Variants in UNC93B1 observed in about 807,000 individuals in gnomAD.
UNC93B1 encodes protein unc-93 homolog B1.
In UNC93B1, 33 loss-of-function variants were observed where a neutral mutation model predicts 56.8. The ratio of observed to expected loss-of-function variants is 0.58; its 90% confidence interval spans 0.44 to 0.78. The LOEUF (loss-of-function observed/expected upper bound fraction) is 0.78, where lower values mean the gene tolerates loss of function less well. Ranked by LOEUF, UNC93B1 falls within the 30% of genes least tolerant of loss-of-function variation. UNC93B1 has a pLI of 0.00. For synonymous variants in UNC93B1, 334 were observed against 358.6 expected (o/e 0.93, Z 0.77); for missense variants, 673 against 819.5 (o/e 0.82, Z 2.18).
intron 10 of UNC93B1, among the ~76,000 whole-genome samples, chr11:67,992,652 CTTTTTTTTTTTTCCT>C (rs1426766164): frequency 7.4e-6 from 1 of 134,382 alleles, no homozygotes; most frequent in Non-Finnish European, 1.6e-5. Context: ...CACTGCTTTT[CTTTTTTTTTTTTCCT>C]TTTTTTTTTT....
Position 68,003,867 on chromosome 11 carries a change from C to T in UNC93B1, c.97-69G>A, listed in dbSNP as rs964772155. The T allele has an allele frequency of 2.3e-6, 3 of 1,302,168 alleles. No individual in the cohort carries two copies. The highest frequency in any genetic ancestry group is 1.5e-5 in the African/African-American group (1 of 64,636). 80.7% of individuals were successfully genotyped at this position (1,302,168 alleles called of 1,614,324 possible). A position where few individuals can be genotyped will look rare whatever the true frequency, so the allele number is the denominator to read the frequency against. On this transcript the variant is annotated intron_variant, in intron 1 of 10. Transcript: ENST00000227471. This position sits in a 1 kb window ranked among gnomAD's most constrained non-coding sequence, Gnocchi z 4.4. Reference sequence around the variant, plus strand: ...ACCCGTGTCCCCCGGTGCCCGCCGCCCCCCGGCCCGCCCCGCCCCCGCCGG... The same window carrying T: ...ACCCGTGTCCCCCGGTGCCCGCCGCTCCCCGGCCCGCCCCGCCCCCGCCGG...
At chr11:68,002,483 T>A (rs866817772) in intron 3 of UNC93B1, among the ~76,000 whole-genome samples, 1 of 152,092 alleles carries the variant, frequency 6.6e-6, no homozygotes, top group African/African-American at 2.4e-5. Context: ...TGTCCACTGG[T>A]CTCCAGGTCC....
At chr11:67,998,751 G>T (rs554112178) in intron 5 of UNC93B1, among the ~76,000 whole-genome samples, 2 of 152,192 alleles carry the variant, frequency 1.3e-5, no homozygotes, top group East Asian at 3.9e-4. Flanking sequence ...TAAAAAATTA[G>T]CTGGGTGTGG....
chr11:67,992,127 A>G (rs1325577269), intron 10 of UNC93B1, among the ~76,000 whole-genome samples: 8 of 152,278 alleles, frequency 5.3e-5, no homozygotes, highest in Non-Finnish European at 1.0e-4. Flanking sequence ...TTTGCCTCAT[A>G]GGGTGCATGC....
intron 7 of UNC93B1, chr11:67,997,474 C>T: frequency 1.1e-6 from 1 of 887,350 alleles, no homozygotes; most frequent in Non-Finnish European, 1.7e-6. Context: ...CAGGCCTCAG[C>T]CCCGCCTCCG....
Position 67,991,474 on chromosome 11 carries a change from T to TC in UNC93B1, c.*71dup. ...AAGACAGCGCGGGACTCGGAGGGGG[T>TC]CCCCCCGACCTCAGACGTGGTAAAC... On this transcript the variant is annotated 3_prime_UTR_variant, in exon 11 of 11. Coordinates refer to ENST00000227471, the MANE Select transcript of UNC93B1 (RefSeq NM_030930.4). 3.8e-6 allele frequency: 5 copies of TC among 1,323,772 alleles called. No individual in the cohort carries two copies. The highest frequency in any genetic ancestry group is 2.8e-4 in the Middle Eastern group (1 of 3,584). 82.0% of individuals were successfully genotyped at this position (1,323,772 alleles called of 1,614,324 possible).
At chr11:67,999,361 G>T (rs1219246818) in intron 4 of UNC93B1, 56 bp from the exon 5 acceptor site, 5 of 1,570,410 alleles carry the variant, frequency 3.2e-6, no homozygotes, top group Non-Finnish European at 4.3e-6. Flanking sequence ...ACTCCTGTGT[G>T]TCCTGCACCC....
intron 3 of UNC93B1, among the ~76,000 whole-genome samples, chr11:68,000,726 G>A (rs1340310247): frequency 6.6e-6 from 1 of 152,194 alleles, no homozygotes; most frequent in Non-Finnish European, 1.5e-5. Flanking sequence ...AAAGCAGCCT[G>A]GTAGTTTTGG....
Position 67,997,705 on chromosome 11 carries a change from G to T in UNC93B1, c.876C>A (p.Leu292=). The change falls in exon 7 of 11, where the codon CTC becomes CTA. Residue 292 remains leucine, a synonymous_variant. Transcript: ENST00000227471. The part of the protein sequence containing the change: ...SGNLIVVESV[L]MAVAFLAMLL... Reference sequence around the variant, plus strand: ...GCATGGCCAGGAAGGCCACTGCCATGAGCACGCTCTCCACCACAATGAGGT... The same window carrying T: ...GCATGGCCAGGAAGGCCACTGCCATTAGCACGCTCTCCACCACAATGAGGT... 1 of 1,607,600 alleles carries T rather than the reference G, an allele frequency of 6.2e-7. No homozygotes were observed. The highest frequency in any genetic ancestry group is 8.5e-7 in the Non-Finnish European group (1 of 1,179,868).
At chr11:67,994,342 T>C (rs1229270633) in intron 9 of UNC93B1, among the ~76,000 whole-genome samples, 2 of 152,190 alleles carry the variant, frequency 1.3e-5, no homozygotes, top group Non-Finnish European at 2.9e-5. Context: ...ATTTGGGTAC[T>C]TAACTCCCCA....
chr11:67,998,802 T>G (rs1856995400), intron 5 of UNC93B1, among the ~76,000 whole-genome samples: 2 of 151,642 alleles, frequency 1.3e-5, no homozygotes, highest in South Asian at 4.2e-4. Flanking sequence ...AAGGCTGAGG[T>G]AGGAGGATCA....
In UNC93B1 at chr11:67,991,253, A is replaced by G. The variant is rs1590756763; in HGVS notation, c.*293T>C. The G allele has an allele frequency of 8.5e-5, 28 of 327,932 alleles. 1 individual carries two copies. The East Asian group carries it at 1.4e-3, about 16-fold the overall frequency. 20.3% of individuals were successfully genotyped at this position (327,932 alleles called of 1,614,324 possible). A position where few individuals can be genotyped will look rare whatever the true frequency, so the allele number is the denominator to read the frequency against. Reference sequence around the variant, plus strand: ...ATCTGGAGCGGGCCGGGTCGCAAGAAGACCCTGACCGTGCTCCGGCGCTGG... The same window carrying G: ...ATCTGGAGCGGGCCGGGTCGCAAGAGGACCCTGACCGTGCTCCGGCGCTGG... On this transcript the variant is annotated 3_prime_UTR_variant, in exon 11 of 11. Transcript: ENST00000227471.
intron 6 of UNC93B1, 133 bp downstream of exon 6, chr11:67,998,226 G>A (rs547262516): frequency 9.9e-7 from 1 of 1,015,008 alleles, no homozygotes; most frequent in South Asian, 1.4e-5. Context: ...CTCCTACAGG[G>A]CCCTGTGTCT....
chr11:67,998,622 A>C (rs1300600139), intron 5 of UNC93B1, among the ~76,000 whole-genome samples, 170 bp from the exon 6 acceptor site: 1 of 152,186 alleles, frequency 6.6e-6, no homozygotes. Flanking sequence ...CCTCCTGGCC[A>C]GCATTGTGGA....
At chr11:67,996,127 T>G (rs1259814824) in intron 8 of UNC93B1, 30 of 235,200 alleles carry the variant, frequency 1.3e-4, no homozygotes, top group Middle Eastern at 1.3e-3. Flanking sequence ...GGGGGGTGCC[T>G]TACCCCCCTG....
At position 68,003,294 on chromosome 11, in the gene UNC93B1, G is replaced by C; in HGVS notation, c.239-119C>G. 1.6e-6 allele frequency: 2 copies of C among 1,250,610 alleles called. No individual in the cohort carries two copies. Among genetic ancestry groups the C allele is most frequent in the Non-Finnish European group, 2.1e-6 (2 of 934,622 alleles). The allele number at this position is 1,250,610 out of a possible 1,614,324, so 77.5% of individuals were successfully genotyped here. On this transcript the variant is annotated intron_variant, in intron 2 of 10. Transcript: ENST00000227471. This position sits in a 1 kb window ranked among gnomAD's most constrained non-coding sequence, Gnocchi z 4.4. ...ATCACCGAAGGCATTCCCGCTGACA[G>C]CGCCCCTCAGGACAGCGGGGTTCCC...
intron 3 of UNC93B1, among the ~76,000 whole-genome samples, chr11:67,999,963 C>G (rs1214792981): frequency 1.3e-5 from 2 of 152,244 alleles, no homozygotes; most frequent in Non-Finnish European, 1.5e-5. Flanking sequence ...AACCAGCCCT[C>G]ATGCGTGTTC....
At position 68,003,525 on chromosome 11, in the gene UNC93B1, G is replaced by T; in HGVS notation, c.238+132C>A. 7.6e-7 allele frequency: 1 copy of T among 1,308,590 alleles called. No homozygotes were observed. The highest frequency in any genetic ancestry group is 9.9e-7 in the Non-Finnish European group (1 of 1,007,958). The allele number at this position is 1,308,590 out of a possible 1,614,324, so 81.1% of individuals were successfully genotyped here. A position where few individuals can be genotyped will look rare whatever the true frequency, so the allele number is the denominator to read the frequency against. On this transcript the variant is annotated intron_variant, in intron 2 of 10. Transcript: ENST00000227471. The surrounding 1 kb of genome is among the most constrained non-coding windows in gnomAD (Gnocchi z 4.4). ...CCCCCAACCCCACCCCCGCCGCGGG[G>T]GGCCGTGGCTGCAGCTGCGAGGGCA...
intron 3 of UNC93B1, among the ~76,000 whole-genome samples, chr11:68,000,215 G>A (rs976768687): frequency 2.6e-5 from 4 of 152,210 alleles, no homozygotes; most frequent in Non-Finnish European, 4.4e-5. Flanking sequence ...CAATAGAAGG[G>A]GCTTGGTGAG....
Sources: gnomAD v4.1 joint callset for allele counts (sites outside exome capture counted in the v4.1 genomes callset) on GRCh38, gnomAD v4.1.1 for gene constraint, Gnocchi (gnomAD v3.1) non-coding constraint, MANE v1.5 for transcripts, NCBI Gene and HGNC (gene_info 2026-07-23, HGNC 2026-07-21) for gene names.